Variants in GRHL2 observed in about 807,000 individuals in gnomAD.
GRHL2 encodes grainyhead-like protein 2 homolog.
A neutral mutation model predicts 83.8 loss-of-function variants in GRHL2; 21 were observed. The ratio of observed to expected loss-of-function variants is 0.25; its 90% confidence interval spans 0.18 to 0.36. The LOEUF is 0.36. Among genes scored for constraint, GRHL2 ranks in the 10% least tolerant of loss-of-function variants. The pLI, the probability that GRHL2 is intolerant of heterozygous loss-of-function variation, is 1.00. For missense variants in GRHL2, 623 were observed against 781.8 expected (o/e 0.80, Z 2.42); for synonymous variants, 280 against 278.9 (o/e 1.00, Z -0.04).
At chr8:101,626,693 A>T (rs1212889180) in intron 9 of GRHL2, among the ~76,000 whole-genome samples, 2 of 152,102 alleles carry the variant, frequency 1.3e-5, no homozygotes, top group African/African-American at 4.8e-5. Flanking sequence ...GAACATTTAG[A>T]TGGAGGGAAT....
chr8:101,633,307 T>C (rs988887750), intron 11 of GRHL2, among the ~76,000 whole-genome samples: 1 of 152,226 alleles, frequency 6.6e-6, no homozygotes, highest in Non-Finnish European at 1.5e-5. Flanking sequence ...AATTTTTGTA[T>C]CAATTAGTTT....
chr8:101,530,121 A>C (rs1810893510), intron 1 of GRHL2, among the ~76,000 whole-genome samples: 1 of 152,202 alleles, frequency 6.6e-6, no homozygotes, highest in Admixed American at 6.5e-5. Flanking sequence ...TGAAGACTTG[A>C]GTTTTCCAAG....
chr8:101,654,598 T>G (rs980024494), intron 14 of GRHL2, among the ~76,000 whole-genome samples: 1 of 152,220 alleles, frequency 6.6e-6, no homozygotes, highest in Admixed American at 6.5e-5. Flanking sequence ...TTAAAAAAAA[T>G]AATTTTTGGC....
At chr8:101,561,903 A>G (rs1195291587) in intron 4 of GRHL2, 3 of 469,250 alleles carry the variant, frequency 6.4e-6, no homozygotes, top group South Asian at 4.1e-5. Context: ...ATCACTTTTC[A>G]TTTAAGTGAC....
At chr8:101,665,949 A>G (rs1814043672) in intron 15 of GRHL2, among the ~76,000 whole-genome samples, 1 of 152,222 alleles carries the variant, frequency 6.6e-6, no homozygotes, top group Non-Finnish European at 1.5e-5. Context: ...AGTAGGTCAC[A>G]GGTGGTAAAG....
At chr8:101,613,918 A>G (rs1309820756) in intron 8 of GRHL2, among the ~76,000 whole-genome samples, 1 of 151,122 alleles carries the variant, frequency 6.6e-6, no homozygotes, top group Non-Finnish European at 1.5e-5. Flanking sequence ...ACATCTTAAA[A>G]GTGCAAAATA....
rs898419893 is a variant in GRHL2 at position 101,492,488 on chromosome 8, T to A, written c.-282T>A. 1.8e-6 allele frequency: 1 copy of A among 569,966 alleles called. No homozygotes were observed. Among genetic ancestry groups the A allele is most frequent in the African/African-American group, 1.9e-5 (1 of 53,316 alleles). The allele number at this position is 569,966 out of a possible 1,614,324, so 35.3% of individuals were successfully genotyped here. On this transcript the variant is annotated 5_prime_UTR_variant, in exon 1 of 16. Transcript: ENST00000646743. ...AGTCCGCCACTTTCTGCTCTGTGTC[T>A]GCCCATTGCCACGATCCAGGAGGAC...
rs149887043 is a variant in GRHL2, at chr8:101,613,450, G to A, written c.1099-6089G>A. 1.8e-3 allele frequency among the ~76,000 whole-genome samples: 269 copies of A among 150,888 alleles called. 18 individuals are homozygous for A. Among genetic ancestry groups the A allele is most frequent in the African/African-American group, 6.2e-3 (249 of 40,362 alleles). On this transcript the variant is annotated intron_variant, in intron 8 of 15. Transcript: ENST00000646743. ...GGGCGGGTAGTCTGTCTTGCATCCCGTATTCCCATCTCCCAGCACAATGCC... is the reference window on the plus strand; with the variant it reads ...GGGCGGGTAGTCTGTCTTGCATCCCATATTCCCATCTCCCAGCACAATGCC...
At chr8:101,597,596 C>T (rs149240150) in intron 7 of GRHL2, among the ~76,000 whole-genome samples, 192 of 150,290 alleles carry the variant, frequency 1.3e-3, no homozygotes, top group Middle Eastern at 6.9e-3. Context: ...AACAGAACAC[C>T]GCATGTTCTC....
intron 14 of GRHL2, among the ~76,000 whole-genome samples, chr8:101,661,836 G>C (rs144879033): frequency 6.6e-6 from 1 of 152,132 alleles, no homozygotes; most frequent in African/African-American, 2.4e-5. Flanking sequence ...ACTGTCATTT[G>C]GTTTCTAGTG....
intron 1 of GRHL2, among the ~76,000 whole-genome samples, chr8:101,501,607 G>A (rs529163796): frequency 8.5e-5 from 13 of 152,242 alleles, no homozygotes; most frequent in African/African-American, 2.4e-4. Flanking sequence ...GGCTGCTGCC[G>A]GGGCCTAGGG....
chr8:101,658,612 T>C (rs930884617), intron 14 of GRHL2, among the ~76,000 whole-genome samples: 1 of 152,178 alleles, frequency 6.6e-6, no homozygotes, highest in African/African-American at 2.4e-5. Context: ...ATCAGTTGAT[T>C]TGTGAGCCGA....
At chr8:101,618,732 A>T (rs955281226) in intron 8 of GRHL2, among the ~76,000 whole-genome samples, 2 of 152,150 alleles carry the variant, frequency 1.3e-5, no homozygotes, top group Admixed American at 6.5e-5. Context: ...GTAATACAAA[A>T]ATAATAAGTG....
chr8:101,533,992 G>A (rs75154263), intron 1 of GRHL2, among the ~76,000 whole-genome samples: 7,118 of 152,202 alleles, frequency 0.047, 414 homozygotes, highest in East Asian at 0.21. Flanking sequence ...AATTGAGCAC[G>A]AGAGGGCATG....
intron 14 of GRHL2, among the ~76,000 whole-genome samples, chr8:101,654,760 G>A (rs924840166): frequency 6.6e-6 from 1 of 152,164 alleles, no homozygotes; most frequent in African/African-American, 2.4e-5. Flanking sequence ...GCCTACAAGG[G>A]TTTCCTGGAG....
chr8:101,674,015 C>T (rs1028582930), downstream of GRHL2, among the ~76,000 whole-genome samples: 2 of 151,916 alleles, frequency 1.3e-5, no homozygotes, highest in Non-Finnish European at 2.9e-5. Context: ...CCAACGAGAA[C>T]AAAGACACAA....
intron 8 of GRHL2, among the ~76,000 whole-genome samples, chr8:101,607,044 G>A (rs7845751): frequency 0.51 from 77,388 of 152,004 alleles, 21,599 homozygotes; most frequent in African/African-American, 0.74. Flanking sequence ...GCTTGTATTC[G>A]GTACCAAATC....
chr8:101,501,756 T>C (rs1810233924), intron 1 of GRHL2, among the ~76,000 whole-genome samples: 1 of 152,194 alleles, frequency 6.6e-6, no homozygotes, highest in African/African-American at 2.4e-5. Context: ...GTATAGGATT[T>C]TGATCTAAAA....
At chr8:101,511,067 C>T (rs553267381) in intron 1 of GRHL2, among the ~76,000 whole-genome samples, 2 of 151,916 alleles carry the variant, frequency 1.3e-5, no homozygotes, top group Non-Finnish European at 2.9e-5. Flanking sequence ...TGCCACTGCA[C>T]TCCGGCCTGG....
Sources: allele counts gnomAD v4.1 joint callset (sites outside exome capture counted in the v4.1 genomes callset), GRCh38; gene constraint gnomAD v4.1.1; transcripts MANE v1.5; gene names NCBI Gene and HGNC (gene_info 2026-07-23, HGNC 2026-07-21).